The following SLC16A1 variants were observed in gnomAD, a reference collection of about 807,000 sequenced individuals.
SLC16A1 encodes monocarboxylate transporter 1.
In SLC16A1, 11 loss-of-function variants were observed where a neutral mutation model predicts 32.2. The ratio of observed to expected loss-of-function variants is 0.34; its 90% CI spans 0.21 to 0.56. The LOEUF is 0.56. SLC16A1 is among the 20% of genes least tolerant of loss of function. SLC16A1 has a pLI of 0.87. For synonymous variants in SLC16A1, 231 were observed against 226.8 expected, an observed-to-expected ratio of 1.02 and a Z score of -0.17; for missense variants, 435 against 615.0, an observed-to-expected ratio of 0.71 and a Z score of 3.10.
In SLC16A1 at chr1:112,941,668, A is replaced by G. The variant is rs557527328; in HGVS notation, c.-44-12316T>C. Among the ~76,000 whole-genome samples, 7 of 152,370 alleles carry G rather than the reference A, an allele frequency of 4.6e-5. No homozygotes were observed. In the East Asian group the frequency reaches 1.3e-3, roughly 29 times the overall value. On this transcript the variant is annotated intron_variant, in intron 1 of 4. Coordinates refer to ENST00000369626, the MANE Select transcript of SLC16A1 (RefSeq NM_003051.4). The stretch of plus-strand genomic sequence containing the variant: ...AATTTGTCCAAAGTTTTTCCTAACA[A>G]GAAAGCTCGCAATGCACACTTGTCA...
Position 112,917,703 on chromosome 1 carries a change from C to T in SLC16A1, c.703G>A (p.Gly235Arg). 6.2e-7 allele frequency: 1 copy of T among 1,614,200 alleles called. No homozygotes were observed. Among genetic ancestry groups the T allele is most frequent in the Middle Eastern group, 1.6e-4 (1 of 6,062 alleles). The change falls in exon 4 of 5, where the codon GGA becomes AGA. Residue 235 changes from glycine to arginine, a missense_variant. This residue lies in a region of SLC16A1 where 324 missense variants were observed against 500.3 expected (regional missense o/e 0.65). Coordinates refer to ENST00000369626, the MANE Select transcript of SLC16A1 (RefSeq NM_003051.4). The surrounding 1 kb of genome is among the most constrained non-coding windows in gnomAD (Gnocchi z 4.1). ...CGTTTCTCTTGTTTAGGGTGTCTTC[C>T]AATAAGATCTGTATTTGCATCATGC... ...DLHDANTDLI[G>R]RHPKQEKRSV...
chr1:112,927,156 TCAGTATC>T (rs1455830060), intron 2 of SLC16A1, among the ~76,000 whole-genome samples: 1 of 147,436 alleles, frequency 6.8e-6, no homozygotes, highest in Non-Finnish European at 1.5e-5. Context: ...AAAACAAAGA[TCAGTATC>T]ACCACACTGT....
chr1:112,917,167 A>T lies in SLC16A1; in HGVS notation c.1228+11T>A, dbSNP rs757324223. On this transcript the variant is annotated intron_variant, in intron 4 of 4. Coordinates refer to ENST00000369626, the MANE Select transcript of SLC16A1 (RefSeq NM_003051.4). The surrounding 1 kb of genome is among the most constrained non-coding windows in gnomAD (Gnocchi z 4.1). ...GTAATAGACCCACATTAGTAGGGAG[A>T]TATACTATACCTAAAAGTGGTGGCC... The T allele has an allele frequency of 1.9e-6, 3 of 1,614,094 alleles. No homozygotes were observed. In the Admixed American group the frequency reaches 5.0e-5, roughly 27 times the overall value.
At chr1:112,953,311 G>A (rs997309061) in intron 1 of SLC16A1, among the ~76,000 whole-genome samples, 1 of 152,034 alleles carries the variant, frequency 6.6e-6, no homozygotes, top group South Asian at 2.1e-4. Flanking sequence ...ACAGAAGCAT[G>A]CCACCATGCC....
In SLC16A1 at chr1:112,913,992, T is replaced by C; in HGVS notation, c.1402A>G (p.Ile468Val). ...TCATTTGGCTTCCCAGCAACATCTA[T>C]ACTGGTCTCTTCCTCTTTACTTTCC... is the stretch of plus-strand genomic sequence containing the variant. ...KKESKEEETS[I>V]DVAGKPNEVT... Residue 468 changes from isoleucine to valine, a missense_variant, in exon 5 of 5, where the codon ATA becomes GTA. Transcript: ENST00000369626. The C allele has an allele frequency of 6.2e-7, 1 of 1,614,210 alleles. No individual in the cohort carries two copies. Among genetic ancestry groups the C allele is most frequent in the Non-Finnish European group, 8.5e-7 (1 of 1,180,018 alleles).
exon 1 of SLC16A1, chr1:112,956,194 TTGTC>T (rs531409912): frequency 1.9e-3 from 293 of 152,544 alleles, 4 homozygotes; most frequent in East Asian, 0.024. Context: ...GCTCACCACT[TTGTC>T]TGGCCGGGCC....
chr1:112,935,827 T>TTA (rs1473295050), intron 1 of SLC16A1: 2 of 149,364 alleles, frequency 1.3e-5, no homozygotes, highest in African/African-American at 4.8e-5. Flanking sequence ...TTCTCACCTA[T>TTA]TATGTCTTCA....
chr1:112,913,835 T>C lies in SLC16A1; in HGVS notation c.*56A>G. 6.2e-7 allele frequency: 1 copy of C among 1,602,304 alleles called. No homozygotes were observed. The highest frequency in any genetic ancestry group is 8.6e-7 in the Non-Finnish European group (1 of 1,169,550). ...ACTGGTAGATTACAGGCCAGTAGAA[T>C]ATTTTCAGATATCCTGGGTCATGAA... On this transcript the variant is annotated 3_prime_UTR_variant, in exon 5 of 5. Transcript: ENST00000369626.
chr1:112,951,152 T>C (rs1649876206), intron 1 of SLC16A1, among the ~76,000 whole-genome samples: 1 of 152,018 alleles, frequency 6.6e-6, no homozygotes, highest in Non-Finnish European at 1.5e-5. Flanking sequence ...AACTAGTCCT[T>C]CCATTCATTG....
At chr1:112,940,031 G>A (rs1205490958) in intron 1 of SLC16A1, among the ~76,000 whole-genome samples, 1 of 144,640 alleles carries the variant, frequency 6.9e-6, no homozygotes, top group Admixed American at 6.9e-5. Context: ...ACCAAAACCT[G>A]ATGGGTGATT....
At chr1:112,926,347 T>C (rs555525919) in intron 2 of SLC16A1, among the ~76,000 whole-genome samples, 167 of 152,272 alleles carry the variant, frequency 1.1e-3, no homozygotes, top group African/African-American at 3.7e-3. Flanking sequence ...TCCCAGCACT[T>C]TGGGATGCTG....
chr1:112,928,852 G>T (rs1271845160), intron 2 of SLC16A1, among the ~76,000 whole-genome samples: 2 of 152,086 alleles, frequency 1.3e-5, no homozygotes, highest in Non-Finnish European at 1.5e-5. Context: ...TACATCAGTT[G>T]GAGCAAATCA....
At chr1:112,916,880 G>T (rs377663065) in intron 4 of SLC16A1, among the ~76,000 whole-genome samples, 2 of 152,124 alleles carry the variant, frequency 1.3e-5, no homozygotes, top group African/African-American at 4.8e-5. Flanking sequence ...AGTGAGCTGA[G>T]ATGGTGCCAC....
In SLC16A1 at chr1:112,922,012, G is replaced by A. The variant is rs557581298; in HGVS notation, c.339C>T (p.Tyr113=). The A allele has an allele frequency of 7.4e-6, 12 of 1,614,118 alleles. No individual in the cohort carries two copies. Among genetic ancestry groups the A allele is most frequent in the Admixed American group, 5.0e-5 (3 of 60,024 alleles). The stretch of plus-strand genomic sequence containing the variant: ...CACCTCCAATGACTCCAATACAGAC[G>A]TATAGTTGCTGTACGGTGTTACAGA... ...ASFCNTVQQL[Y]VCIGVIGGLG... is the part of the protein sequence containing the mutation. The change falls in exon 3 of 5, where the codon TAC becomes TAT. Residue 113 remains tyrosine (Y), a synonymous_variant. Transcript: ENST00000369626.
chr1:112,922,819 TTC>T (rs1458951462), intron 2 of SLC16A1, among the ~76,000 whole-genome samples: 2 of 152,144 alleles, frequency 1.3e-5, no homozygotes, highest in African/African-American at 2.4e-5. Flanking sequence ...AGAAAGTATG[TTC>T]TGTTTTAAAT....
chr1:112,946,942 C>T (rs1043339969), intron 1 of SLC16A1, among the ~76,000 whole-genome samples: 6 of 152,072 alleles, frequency 3.9e-5, no homozygotes, highest in African/African-American at 1.5e-4. Flanking sequence ...TTCATTTTTG[C>T]CTTCTTCTCA....
intron 1 of SLC16A1, among the ~76,000 whole-genome samples, chr1:112,935,596 T>G (rs1400413642): frequency 6.6e-6 from 1 of 152,074 alleles, no homozygotes; most frequent in Non-Finnish European, 1.5e-5. Flanking sequence ...AATGGGACTT[T>G]GGAAAAAGAG....
chr1:112,934,743 G>A (rs1283576082), intron 1 of SLC16A1, among the ~76,000 whole-genome samples: 1 of 152,150 alleles, frequency 6.6e-6, no homozygotes, highest in Non-Finnish European at 1.5e-5. Context: ...AGATTCTTCT[G>A]AGAATTCACA....
rs1173613438 is a variant in SLC16A1 at position 112,912,292 on chromosome 1, G to A, written c.*1599C>T. ...TTTAGCAAGGCCCAAAATGAAACCTGGTAATGAAAATGAAGACACAGCAAT... is the reference window on the plus strand; with the variant it reads ...TTTAGCAAGGCCCAAAATGAAACCTAGTAATGAAAATGAAGACACAGCAAT... On this transcript the variant is annotated 3_prime_UTR_variant, in exon 5 of 5. Coordinates refer to ENST00000369626, the MANE Select transcript of SLC16A1 (RefSeq NM_003051.4). 1 of 152,194 alleles carries A rather than the reference G, an allele frequency of 6.6e-6. No individual in the cohort carries two copies. Among genetic ancestry groups the A allele is most frequent in the Admixed American group, 6.5e-5 (1 of 15,286 alleles). The allele number at this position is 152,194 out of a possible 1,614,324, so 9.4% of individuals were successfully genotyped here.
Sources: gnomAD v4.1 joint callset for allele counts (sites outside exome capture counted in the v4.1 genomes callset) on GRCh38, gnomAD v4.1.1 for gene constraint, gnomAD v4.1.1 regional missense constraint, Gnocchi (gnomAD v3.1) non-coding constraint, MANE v1.5 for transcripts, NCBI Gene and HGNC (gene_info 2026-07-23, HGNC 2026-07-21) for gene names.